SLC2A9: variants seen among roughly 807,000 people sequenced by gnomAD.
SLC2A9 encodes solute carrier family 2, facilitated glucose transporter member 9.
Under a neutral mutation model 50.6 loss-of-function variants are expected in SLC2A9, and 39 were observed. That is an observed-to-expected ratio of 0.77 (90% CI 0.60 to 1.01). The LOEUF (loss-of-function observed/expected upper bound fraction) is 1.01. SLC2A9 is among the 50% of genes least tolerant of loss of function. The probability of loss-of-function intolerance (pLI) is 0.00; values close to 1 mark genes in which losing one functional copy is unlikely to be tolerated. For missense variants in SLC2A9, 686 were observed against 677.6 expected, an observed-to-expected ratio of 1.01 and a Z score of -0.14; for synonymous variants, 324 against 276.9, an observed-to-expected ratio of 1.17 and a Z score of -1.69.
chr4:9,818,472 A>G (rs896867426), intron 3 of SLC2A9, among the ~76,000 whole-genome samples: 15 of 152,224 alleles, frequency 9.9e-5, no homozygotes, highest in African/African-American at 3.6e-4. Flanking sequence ...TCAACTACTC[A>G]ACTCTGATTA....
At chr4:10,029,525 G>A (rs1763862641) in intron 1 of SLC2A9, among the ~76,000 whole-genome samples, 9 of 148,896 alleles carry the variant, frequency 6.0e-5, no homozygotes, top group Admixed American at 4.7e-4. Flanking sequence ...CAGGCTCCTT[G>A]TTGGACAAGA....
chr4:9,880,606 A>G (rs1226384029), intron 10 of SLC2A9: 2 of 979,792 alleles, frequency 2.0e-6, no homozygotes, highest in Non-Finnish European at 2.4e-6. Flanking sequence ...CTTCAGGCAG[A>G]TATGCAGATG....
intron 8 of SLC2A9, among the ~76,000 whole-genome samples, chr4:9,903,722 G>C (rs756707000): frequency 4.6e-5 from 7 of 151,406 alleles, no homozygotes; most frequent in Non-Finnish European, 8.8e-5. Flanking sequence ...CAAAGGGCTG[G>C]ATGAAATATA....
At chr4:9,887,050 C>A (rs193158084) in intron 10 of SLC2A9, among the ~76,000 whole-genome samples, 42 of 152,356 alleles carry the variant, frequency 2.8e-4, no homozygotes, top group Admixed American at 2.4e-3. Context: ...CTGGGCCTGG[C>A]AGTCAGGCCA....
chr4:9,978,923 T>C (rs1755252813), intron 5 of SLC2A9, among the ~76,000 whole-genome samples: 1 of 152,178 alleles, frequency 6.6e-6, no homozygotes, highest in South Asian at 2.1e-4. Flanking sequence ...TTCAAAACAT[T>C]TAAAATTTGC....
At chr4:9,946,697 C>A (rs1287852179) in intron 5 of SLC2A9, among the ~76,000 whole-genome samples, 1 of 152,198 alleles carries the variant, frequency 6.6e-6, no homozygotes. Context: ...GTGCCCAGCT[C>A]CCTGCTAAGT....
chr4:9,789,887 C>T (rs1719685288), intron 3 of SLC2A9, among the ~76,000 whole-genome samples: 1 of 152,188 alleles, frequency 6.6e-6, no homozygotes, highest in African/African-American at 2.4e-5. Flanking sequence ...CCTGAAAACT[C>T]TTAGTGAACT....
intron 1 of SLC2A9, among the ~76,000 whole-genome samples, chr4:10,031,653 A>T (rs887801972): frequency 6.6e-6 from 1 of 152,372 alleles, no homozygotes; most frequent in Non-Finnish European, 1.5e-5. Context: ...GTTTCTGCTT[A>T]TGAAATTCTG....
chr4:9,789,340 A>G (rs1719617168), intron 3 of SLC2A9, among the ~76,000 whole-genome samples: 1 of 152,236 alleles, frequency 6.6e-6, no homozygotes, highest in African/African-American at 2.4e-5. Context: ...TTATACAATG[A>G]GAATTTAGAA....
At chr4:9,790,198 C>T (rs1236845592) in intron 3 of SLC2A9, among the ~76,000 whole-genome samples, 1 of 152,204 alleles carries the variant, frequency 6.6e-6, no homozygotes, top group Non-Finnish European at 1.5e-5. Flanking sequence ...AAGAGGAGAG[C>T]TCCTTCATGT....
Position 9,920,308 on chromosome 4 carries a change from G to A in SLC2A9, c.1002+77C>T, listed in dbSNP as rs866394192. The stretch of plus-strand genomic sequence containing the variant: ...AACTGAGATTTGAACCTGGGCGTCT[G>A]GGGCCCAAGCCCTGAACCTCCCCAC... On this transcript the variant is annotated intron_variant, in intron 7 of 11. Coordinates refer to ENST00000264784, the MANE Select transcript of SLC2A9 (RefSeq NM_020041.3). 9.1e-6 allele frequency: 14 copies of A among 1,535,384 alleles called. No individual in the cohort carries two copies. The African/African-American group carries it at 9.6e-5, about 11-fold the overall frequency.
intron 6 of SLC2A9, among the ~76,000 whole-genome samples, chr4:9,941,412 T>C: frequency 6.6e-6 from 1 of 152,200 alleles, no homozygotes; most frequent in East Asian, 1.9e-4. Flanking sequence ...GGCAAGGTCC[T>C]GTGGGTCATT....
At chr4:9,933,389 G>A (rs889993579) in intron 6 of SLC2A9, among the ~76,000 whole-genome samples, 7 of 152,142 alleles carry the variant, frequency 4.6e-5, no homozygotes, top group African/African-American at 4.8e-5. Context: ...GAGGGTGAAC[G>A]CACGGGCTCC....
At chr4:9,815,152 T>C (rs1018364782) in intron 3 of SLC2A9, among the ~76,000 whole-genome samples, 3 of 152,182 alleles carry the variant, frequency 2.0e-5, no homozygotes, top group African/African-American at 4.8e-5. Context: ...AACTTGAAGA[T>C]AAATGAGCAC....
At chr4:10,010,984 T>C (rs758213536) in intron 2 of SLC2A9, among the ~76,000 whole-genome samples, 24 of 152,162 alleles carry the variant, frequency 1.6e-4, no homozygotes, top group Non-Finnish European at 2.6e-4. Flanking sequence ...CCTCCTACAA[T>C]CATAGGAAGT....
At chr4:10,018,249 A>G (rs1298474508) in intron 2 of SLC2A9, among the ~76,000 whole-genome samples, 1 of 152,204 alleles carries the variant, frequency 6.6e-6, no homozygotes, top group Non-Finnish European at 1.5e-5. Flanking sequence ...TGTAATTTAA[A>G]GTCAACAACA....
intron 5 of SLC2A9, among the ~76,000 whole-genome samples, chr4:9,971,862 GCCACTACAA>G (rs1436800533): frequency 6.6e-6 from 1 of 152,182 alleles, no homozygotes; most frequent in Non-Finnish European, 1.5e-5. Context: ...TTGCACAAAG[GCCACTACAA>G]CCTTACACGA....
rs116305437 is a variant in SLC2A9 at position 9,810,454 on chromosome 4, A to G, written n.421-11213T>C. On this transcript the variant is annotated intron_variant and non_coding_transcript_variant, in intron 3 of 3. Coordinates refer to the SLC2A9 transcript ENST00000503280. ...CCCTTTAAGGGATGAGATTTTGGTA[A>G]ATTCACCATGGTGTGTCTTTTAGCC... is the stretch of plus-strand genomic sequence containing the variant. 3.2e-3 allele frequency among the ~76,000 whole-genome samples: 488 copies of G among 152,264 alleles called. 2 individuals are homozygous for G. Among genetic ancestry groups the G allele is most frequent in the Non-Finnish European group, 5.2e-3 (352 of 68,016 alleles).
intron 3 of SLC2A9, chr4:9,782,089 G>C (rs1718487031): frequency 6.6e-7 from 1 of 1,523,958 alleles, no homozygotes; most frequent in Non-Finnish European, 8.8e-7. Flanking sequence ...TATACCAGCA[G>C]CTGGCGCAGG....
Sources: gnomAD v4.1 joint callset for allele counts (sites outside exome capture counted in the v4.1 genomes callset) on GRCh38, gnomAD v4.1.1 for gene constraint, MANE v1.5 for transcripts, NCBI Gene and HGNC (gene_info 2026-07-23, HGNC 2026-07-21) for gene names.